The following FXR1 variants were observed in gnomAD, a reference collection of about 807,000 sequenced individuals.
FXR1 encodes FMR1 autosomal homolog 1, also known as RNA-binding protein FXR1.
FXR1 carries 15 observed loss-of-function variants against 84.0 expected under a neutral mutation model. The ratio of observed to expected loss-of-function variants is 0.18; its 90% CI spans 0.12 to 0.27. The LOEUF is 0.27. FXR1 is among the 10% of genes least tolerant of loss of function. FXR1 has a pLI of 1.00. For missense variants in FXR1, 480 were observed against 774.4 expected, an observed-to-expected ratio of 0.62 and a Z score of 4.51; for synonymous variants, 245 against 250.7, an observed-to-expected ratio of 0.98 and a Z score of 0.21.
intron 3 of FXR1, among the ~76,000 whole-genome samples, chr3:180,944,102 G>T (rs559356121): frequency 1.8e-4 from 28 of 151,386 alleles, no homozygotes; most frequent in Non-Finnish European, 3.2e-4. Context: ...TTTTAGTAGA[G>T]ACAGGGTTTC....
intron 1 of FXR1, among the ~76,000 whole-genome samples, chr3:180,931,790 G>C (rs1719939708): frequency 7.0e-6 from 1 of 143,218 alleles, no homozygotes; most frequent in African/African-American, 2.6e-5. Context: ...ACCCAGGCTG[G>C]AGTGCAGCAG....
At chr3:180,965,062 G>C (rs901929704) in intron 13 of FXR1, among the ~76,000 whole-genome samples, 1 of 151,858 alleles carries the variant, frequency 6.6e-6, no homozygotes, top group Non-Finnish European at 1.5e-5. Flanking sequence ...TGTTGCCCAG[G>C]CTGGAGTGCA....
chr3:180,968,806 T>A (rs999940965), intron 14 of FXR1, among the ~76,000 whole-genome samples: 21 of 152,190 alleles, frequency 1.4e-4, no homozygotes, highest in Non-Finnish European at 2.6e-4. Context: ...GGAAACGTTT[T>A]ACTTAATTAC....
rs752105387 is a variant in FXR1, at chr3:180,970,389, T to TAC, written c.1603+32_1603+33insCA. 9 of 188,242 alleles carry TAC rather than the reference T, an allele frequency of 4.8e-5. No individual in the cohort carries two copies. In the South Asian group the frequency reaches 1.3e-3, roughly 28 times the overall value. 11.7% of individuals were successfully genotyped at this position (188,242 alleles called of 1,614,324 possible). ...TAAGCACTTAGGGAAGAGAAATATA[T>TAC]ATATATATATATATATATATATATA... On this transcript the variant is annotated intron_variant, in intron 15 of 16. Coordinates refer to ENST00000357559, the MANE Select transcript of FXR1 (RefSeq NM_005087.4).
At chr3:180,950,140 A>G (rs1196036717) in intron 7 of FXR1, among the ~76,000 whole-genome samples, 1 of 152,182 alleles carries the variant, frequency 6.6e-6, no homozygotes, top group East Asian at 1.9e-4. Flanking sequence ...CTGCTACACT[A>G]GTAGGATACT....
intron 2 of FXR1, among the ~76,000 whole-genome samples, chr3:180,934,043 GGTGGA>G (rs1720250026): frequency 6.6e-6 from 1 of 152,166 alleles, no homozygotes; most frequent in East Asian, 1.9e-4. Flanking sequence ...GAACCCAGGA[GGTGGA>G]GGTTGCAGTG....
At chr3:180,929,185 G>A (rs746393070) in intron 1 of FXR1, among the ~76,000 whole-genome samples, 26 of 152,148 alleles carry the variant, frequency 1.7e-4, no homozygotes, top group Non-Finnish European at 3.2e-4. Flanking sequence ...GATTACAGGC[G>A]TGAGCCACCG....
At chr3:180,955,290 C>T (rs907752013) in intron 9 of FXR1, among the ~76,000 whole-genome samples, 11 of 152,026 alleles carry the variant, frequency 7.2e-5, no homozygotes, top group South Asian at 2.1e-4. Flanking sequence ...TGATCCACCG[C>T]GCCCGGATGT....
At chr3:180,948,930 T>C in intron 6 of FXR1, 116 bp downstream of exon 6, 1 of 661,264 alleles carries the variant, frequency 1.5e-6, no homozygotes, top group Non-Finnish European at 2.7e-6. Flanking sequence ...AATTTATTAA[T>C]ATAGTGTGGG....
In FXR1 at chr3:180,980,605, G is replaced by GA. The variant is rs1440203927; in HGVS notation, c.*4318dup. On this transcript the variant is annotated 3_prime_UTR_variant, in exon 17 of 17. Coordinates refer to ENST00000357559, the MANE Select transcript of FXR1 (RefSeq NM_005087.4). ...AACTTGGCTGTCTTCAGGTTGTAAAGAAAAATGTAAACATATATTTGAAAT... is the reference window on the plus strand; with the variant it reads ...AACTTGGCTGTCTTCAGGTTGTAAAGAAAAAATGTAAACATATATTTGAAAT... 1 of 151,978 alleles carries GA rather than the reference G, an allele frequency of 6.6e-6. No individual in the cohort carries two copies. Among genetic ancestry groups the GA allele is most frequent in the African/African-American group, 2.4e-5 (1 of 41,408 alleles). The allele number at this position is 151,978 out of a possible 1,614,324, so 9.4% of individuals were successfully genotyped here.
intron 1 of FXR1, among the ~76,000 whole-genome samples, chr3:180,917,947 CAA>C (rs757826092): frequency 8.2e-5 from 5 of 60,994 alleles, no homozygotes; most frequent in Non-Finnish European, 1.4e-4. Flanking sequence ...ACTCTGTCTC[CAA>C]AAAAAAAAAA....
At chr3:180,919,766 C>G (rs1171945256) in intron 1 of FXR1, among the ~76,000 whole-genome samples, 1 of 151,864 alleles carries the variant, frequency 6.6e-6, no homozygotes, top group South Asian at 2.1e-4. Context: ...CTCTGCCTCC[C>G]GGGTTCAAGC....
intron 1 of FXR1, among the ~76,000 whole-genome samples, chr3:180,918,428 G>A (rs1288461731): frequency 6.6e-6 from 1 of 152,086 alleles, no homozygotes; most frequent in Admixed American, 6.6e-5. Context: ...ATGAACCACT[G>A]AGTCTGGCCA....
At chr3:180,973,605 C>G (rs1022152789) in intron 15 of FXR1, among the ~76,000 whole-genome samples, 1 of 152,178 alleles carries the variant, frequency 6.6e-6, no homozygotes, top group Admixed American at 6.5e-5. Context: ...ATATTGTAAA[C>G]TCTTTTTAAT....
Position 180,949,363 on chromosome 3 carries a change from A to G in FXR1, c.630+20A>G, listed in dbSNP as rs1167883607. 5 of 1,110,338 alleles carry G rather than the reference A, an allele frequency of 4.5e-6. No individual in the cohort carries two copies. Among genetic ancestry groups the G allele is most frequent in the African/African-American group, 3.1e-5 (2 of 65,352 alleles). 68.8% of individuals were successfully genotyped at this position (1,110,338 alleles called of 1,614,324 possible). ...TTAGAAGTAAGTGGGTTTACTTACA[A>G]AAGAGTTTTCTGTGTCCCATTTAGT... On this transcript the variant is annotated intron_variant, in intron 7 of 16. Transcript: ENST00000357559.
At chr3:180,961,807 A>ATTTC (rs1447975023) in intron 11 of FXR1, among the ~76,000 whole-genome samples, 1 of 152,236 alleles carries the variant, frequency 6.6e-6, no homozygotes, top group East Asian at 1.9e-4. Flanking sequence ...GAGCTTTTAT[A>ATTTC]TTTCTTTCTT....
At chr3:180,918,956 A>G (rs1011927) in intron 1 of FXR1, among the ~76,000 whole-genome samples, 36,588 of 152,198 alleles carry the variant, frequency 0.24, 4,608 homozygotes, top group African/African-American at 0.31. Flanking sequence ...TTCAGACTCT[A>G]AAGTTTGACA....
intron 11 of FXR1, 145 bp from the exon 12 acceptor site, chr3:180,962,738 A>G (rs1576988524): frequency 1.6e-6 from 1 of 633,198 alleles, no homozygotes. Flanking sequence ...GACCTCATCA[A>G]TTCTGTTGAC....
intron 9 of FXR1, among the ~76,000 whole-genome samples, chr3:180,954,872 ATTTTTTTTT>A (rs11328945): frequency 3.5e-5 from 4 of 114,540 alleles, no homozygotes; most frequent in South Asian, 5.7e-4. Flanking sequence ...TTCTAAAAAG[ATTTTTTTTT>A]TTTTTTTTTT....
Sources: allele counts gnomAD v4.1 joint callset (sites outside exome capture counted in the v4.1 genomes callset), GRCh38; gene constraint gnomAD v4.1.1; transcripts MANE v1.5; gene names NCBI Gene and HGNC (gene_info 2026-07-23, HGNC 2026-07-21).